The following TNNI3K variants were observed in gnomAD, a reference collection of about 807,000 sequenced individuals.
TNNI3K encodes the protein TNNI3 interacting kinase.
In TNNI3K, 140 loss-of-function variants were observed where a neutral mutation model predicts 114.5. The observed-to-expected ratio is 1.22, with a 90% CI of 1.07 to 1.41. The LOEUF is 1.41. TNNI3K is among the 40% of genes most tolerant of loss of function. TNNI3K has a pLI of 0.00. For synonymous variants in TNNI3K, 347 were observed against 347.5 expected, an observed-to-expected ratio of 1.00 and a Z score of 0.02; for missense variants, 1,125 against 1,007.6, an observed-to-expected ratio of 1.12 and a Z score of -1.58.
intron 2 of TNNI3K, among the ~76,000 whole-genome samples, chr1:74,236,883 C>G (rs1653889749): frequency 6.6e-6 from 1 of 151,682 alleles, no homozygotes; most frequent in Admixed American, 6.6e-5. Context: ...AACTAGATGC[C>G]CATTAGAGGG....
intron 20 of TNNI3K, among the ~76,000 whole-genome samples, chr1:74,440,525 T>C (rs886342267): frequency 2.0e-5 from 3 of 152,132 alleles, no homozygotes; most frequent in African/African-American, 7.2e-5. Context: ...TTATGAGTAC[T>C]CATGTACAGA....
intron 22 of TNNI3K, among the ~76,000 whole-genome samples, chr1:74,490,283 T>C (rs1668999703): frequency 6.6e-6 from 1 of 152,176 alleles, no homozygotes; most frequent in Admixed American, 6.5e-5. Context: ...AGTAGTCATA[T>C]ATTTGGTGGG....
chr1:74,245,356 C>A (rs1159515864), intron 2 of TNNI3K, among the ~76,000 whole-genome samples: 1 of 152,110 alleles, frequency 6.6e-6, no homozygotes, highest in Non-Finnish European at 1.5e-5. Context: ...TGAACAAAGA[C>A]CATTGCCCCA....
chr1:74,335,963 A>G, intron 6 of TNNI3K, 48 bp from the exon 7 acceptor site: 2 of 1,520,824 alleles, frequency 1.3e-6, no homozygotes, highest in Non-Finnish European at 1.8e-6. Flanking sequence ...AAAGTTTTGC[A>G]TTATTGTTTG....
intron 17 of TNNI3K, among the ~76,000 whole-genome samples, chr1:74,382,134 A>C (rs1663233359): frequency 6.6e-6 from 1 of 152,214 alleles, no homozygotes; most frequent in African/African-American, 2.4e-5. Flanking sequence ...TTCCTTCAGT[A>C]GTGAAAGAAA....
At chr1:74,425,933 A>ACTGT (rs1289685543) in intron 17 of TNNI3K, among the ~76,000 whole-genome samples, 1 of 151,948 alleles carries the variant, frequency 6.6e-6, no homozygotes, top group African/African-American at 2.4e-5. Context: ...ACAGGGATAG[A>ACTGT]CTGTCTGGTG....
In TNNI3K at chr1:74,523,838, A is replaced by G. The variant is rs546258908; in HGVS notation, c.2352-16396A>G. On this transcript the variant is annotated intron_variant, in intron 23 of 24. Coordinates refer to ENST00000326637, the MANE Select transcript of TNNI3K (RefSeq NM_015978.3). ...TGTGCAGAACGTGCAGGTTTGTTAC[A>G]TAGGTATACATGTGCCATGGTGGTT... 2.0e-5 allele frequency among the ~76,000 whole-genome samples: 3 copies of G among 152,314 alleles called. No individual in the cohort carries two copies. The East Asian group carries it at 5.8e-4, about 29-fold the overall frequency.
intron 20 of TNNI3K, among the ~76,000 whole-genome samples, chr1:74,446,428 T>G (rs1439999855): frequency 6.6e-6 from 1 of 150,904 alleles, no homozygotes; most frequent in East Asian, 1.9e-4. Flanking sequence ...TCATTGTAGA[T>G]TCTGGATATT....
intron 17 of TNNI3K, among the ~76,000 whole-genome samples, chr1:74,380,954 A>G (rs1351016155): frequency 6.6e-6 from 1 of 152,104 alleles, no homozygotes; most frequent in Non-Finnish European, 1.5e-5. Context: ...TAAATGAGAA[A>G]CAATCTTAAT....
chr1:74,326,158 T>C (rs932830778), intron 5 of TNNI3K, among the ~76,000 whole-genome samples: 14 of 152,282 alleles, frequency 9.2e-5, no homozygotes, highest in Middle Eastern at 3.4e-3. Flanking sequence ...AAAATTTAAT[T>C]TCCAAGTGTA....
chr1:74,316,846 C>G (rs970568241), intron 5 of TNNI3K, among the ~76,000 whole-genome samples: 1 of 121,028 alleles, frequency 8.3e-6, no homozygotes, highest in Non-Finnish European at 1.7e-5. Flanking sequence ...CCTGCCACCA[C>G]GCCCAGCTAA....
At chr1:74,247,999 AG>A (rs927047452) in intron 2 of TNNI3K, among the ~76,000 whole-genome samples, 4 of 143,186 alleles carry the variant, frequency 2.8e-5, no homozygotes, top group Non-Finnish European at 4.6e-5. Flanking sequence ...CCACGGGGGT[AG>A]GGGGGTGGAG....
At chr1:74,278,069 C>T (rs564501228) in intron 5 of TNNI3K, among the ~76,000 whole-genome samples, 41 of 152,052 alleles carry the variant, frequency 2.7e-4, no homozygotes, top group Non-Finnish European at 4.6e-4. Context: ...TTTTAATAAT[C>T]GCTTTAGTTT....
At chr1:74,384,899 T>C (rs1663394799) in intron 17 of TNNI3K, among the ~76,000 whole-genome samples, 1 of 152,170 alleles carries the variant, frequency 6.6e-6, no homozygotes, top group African/African-American at 2.4e-5. Flanking sequence ...CAGAAGTTGG[T>C]CTCTGATAAG....
intron 17 of TNNI3K, among the ~76,000 whole-genome samples, chr1:74,404,312 A>T (rs958913700): frequency 2.0e-5 from 3 of 151,922 alleles, no homozygotes; most frequent in South Asian, 2.1e-4. Flanking sequence ...TTGTTTCTCT[A>T]TCTATTGCTC....
chr1:74,339,899 C>G (rs904970084), intron 7 of TNNI3K, among the ~76,000 whole-genome samples: 1 of 151,994 alleles, frequency 6.6e-6, no homozygotes, highest in Non-Finnish European at 1.5e-5. Flanking sequence ...TTTCTGTCAT[C>G]TTAATCATAA....
chr1:74,440,081 T>G (rs1666309534), intron 20 of TNNI3K, among the ~76,000 whole-genome samples: 1 of 152,030 alleles, frequency 6.6e-6, no homozygotes, highest in Admixed American at 6.6e-5. Context: ...TTTCCTAACG[T>G]TTTTGTATTA....
At chr1:74,336,206 C>T in intron 7 of TNNI3K, 57 bp downstream of exon 7, 6 of 1,542,536 alleles carry the variant, frequency 3.9e-6, no homozygotes, top group Non-Finnish European at 5.2e-6. Context: ...ATACCTTTTA[C>T]TTGTACTTCT....
At chr1:74,335,000 A>G (rs907512847) in intron 6 of TNNI3K, among the ~76,000 whole-genome samples, 2 of 152,312 alleles carry the variant, frequency 1.3e-5, no homozygotes, top group South Asian at 4.1e-4. Flanking sequence ...AACGTTTTCA[A>G]AGCTCCCTAG....
Sources: allele counts gnomAD v4.1 joint callset (sites outside exome capture counted in the v4.1 genomes callset), GRCh38; gene constraint gnomAD v4.1.1; transcripts MANE v1.5; gene names NCBI Gene and HGNC (gene_info 2026-07-23, HGNC 2026-07-21).